Variants in SEMA5A observed in about 807,000 individuals in gnomAD.
SEMA5A encodes the protein semaphorin-5A.
Under a neutral mutation model 135.5 loss-of-function variants are expected in SEMA5A, and 55 were observed. That is an observed-to-expected ratio of 0.41 (90% CI 0.33 to 0.51). SEMA5A has a LOEUF of 0.51. SEMA5A is among the 20% of genes least tolerant of loss of function. The probability of loss-of-function intolerance (pLI) is 0.37; values close to 1 mark genes in which losing one functional copy is unlikely to be tolerated. For synonymous variants in SEMA5A, 580 were observed against 546.5 expected (o/e 1.06, Z -0.85); for missense variants, 1,290 against 1,419.9 (o/e 0.91, Z 1.47).
At chr5:9,425,922 C>T (rs1361113095) in intron 2 of SEMA5A, among the ~76,000 whole-genome samples, 1 of 152,138 alleles carries the variant, frequency 6.6e-6, no homozygotes, top group African/African-American at 2.4e-5. Context: ...TCAGCATGAC[C>T]TTGGCAAGTT....
At chr5:9,416,888 T>C (rs1757301492) in intron 2 of SEMA5A, among the ~76,000 whole-genome samples, 1 of 152,164 alleles carries the variant, frequency 6.6e-6, no homozygotes, top group South Asian at 2.1e-4. Context: ...CCGGTGCAAA[T>C]TGTCAATAGT....
intron 2 of SEMA5A, among the ~76,000 whole-genome samples, chr5:9,400,234 G>A (rs1756591955): frequency 6.6e-6 from 1 of 152,102 alleles, no homozygotes; most frequent in Non-Finnish European, 1.5e-5. Flanking sequence ...TAGATGATGG[G>A]TTGATAGGTG....
intron 13 of SEMA5A, 73 bp from the exon 14 acceptor site, chr5:9,122,910 T>A (rs549568703): frequency 3.8e-5 from 51 of 1,331,340 alleles, no homozygotes; most frequent in African/African-American, 9.0e-5. Flanking sequence ...AAATTAAAAA[T>A]CCCTCATAAG....
At chr5:9,488,957 G>A (rs116190668) in intron 1 of SEMA5A, among the ~76,000 whole-genome samples, 1 of 152,238 alleles carries the variant, frequency 6.6e-6, no homozygotes, top group Non-Finnish European at 1.5e-5. Context: ...TTCAATGGTT[G>A]GTTGGTTTGA....
chr5:9,449,723 G>A (rs549822470), intron 1 of SEMA5A, among the ~76,000 whole-genome samples: 6 of 152,192 alleles, frequency 3.9e-5, no homozygotes, highest in South Asian at 2.1e-4. Context: ...AAATTAACCC[G>A]GGTGGTACCT....
At chr5:9,499,420 G>T (rs1305803910) in intron 1 of SEMA5A, among the ~76,000 whole-genome samples, 2 of 152,134 alleles carry the variant, frequency 1.3e-5, no homozygotes, top group Admixed American at 6.5e-5. Flanking sequence ...CAAAACCACA[G>T]AAATTAACAA....
intron 2 of SEMA5A, among the ~76,000 whole-genome samples, chr5:9,401,774 G>GTT (rs1756670110): frequency 6.6e-6 from 1 of 152,132 alleles, no homozygotes. Flanking sequence ...TTAAAGATGA[G>GTT]AATCAGCCTG....
intron 2 of SEMA5A, among the ~76,000 whole-genome samples, chr5:9,422,045 G>C (rs1365059977): frequency 2.0e-5 from 3 of 152,116 alleles, no homozygotes; most frequent in Non-Finnish European, 4.4e-5. Flanking sequence ...CAAAAAGAAG[G>C]AATCAGCAGA....
intron 11 of SEMA5A, among the ~76,000 whole-genome samples, chr5:9,162,874 G>C (rs1354304132): frequency 2.0e-5 from 3 of 152,060 alleles, no homozygotes; most frequent in Admixed American, 2.0e-4. Flanking sequence ...CAGACTACTG[G>C]GCCAGAGTTT....
chr5:9,223,472 G>A (rs538656852), intron 8 of SEMA5A, among the ~76,000 whole-genome samples: 1 of 152,136 alleles, frequency 6.6e-6, no homozygotes, highest in East Asian at 1.9e-4. Context: ...GTTACAACTG[G>A]GCAGAGGAGG....
At chr5:9,455,723 C>G (rs1758809116) in intron 1 of SEMA5A, among the ~76,000 whole-genome samples, 1 of 152,118 alleles carries the variant, frequency 6.6e-6, no homozygotes, top group Non-Finnish European at 1.5e-5. Context: ...TCAGCCAAAC[C>G]AGGCTCTAAA....
chr5:9,147,886 T>C (rs553687789), intron 12 of SEMA5A, among the ~76,000 whole-genome samples: 66 of 152,334 alleles, frequency 4.3e-4, no homozygotes, highest in African/African-American at 1.4e-3. Context: ...AGAGGCAGAA[T>C]GTCCATTTGC....
intron 5 of SEMA5A, among the ~76,000 whole-genome samples, chr5:9,287,573 T>A (rs1296254678): frequency 1.3e-5 from 2 of 152,188 alleles, no homozygotes; most frequent in African/African-American, 4.8e-5. Context: ...TGAAATAAAT[T>A]ATATCAATTT....
intron 11 of SEMA5A, among the ~76,000 whole-genome samples, chr5:9,176,446 C>T (rs954767573): frequency 6.6e-6 from 1 of 152,206 alleles, no homozygotes; most frequent in Admixed American, 6.5e-5. Flanking sequence ...CTGATTGCAG[C>T]CTAGTGAAAC....
chr5:9,337,173 G>A (rs981749702), intron 4 of SEMA5A, among the ~76,000 whole-genome samples: 2 of 152,110 alleles, frequency 1.3e-5, no homozygotes, highest in African/African-American at 2.4e-5. Flanking sequence ...AAATAACTTC[G>A]TTGAATCTCA....
rs547857526 is a variant in SEMA5A, at chr5:9,052,055, G to A, written c.2690-27C>T. ...TGCAGAGACCAGAAAAGGGGAGATG[G>A]GGCGGAATGGCCAGTAAGCTCAATC... On this transcript the variant is annotated intron_variant, in intron 19 of 22. Transcript: ENST00000382496. 4.0e-5 allele frequency: 62 copies of A among 1,542,144 alleles called. 1 individual carries two copies. In the South Asian group the frequency reaches 5.3e-4, roughly 13 times the overall value.
intron 1 of SEMA5A, among the ~76,000 whole-genome samples, chr5:9,469,338 T>A (rs17259832): frequency 6.6e-6 from 1 of 152,012 alleles, no homozygotes; most frequent in Non-Finnish European, 1.5e-5. Flanking sequence ...GCTAGTGAAT[T>A]TAGCATAAGG....
At chr5:9,230,077 T>C (rs951502064) in intron 6 of SEMA5A, among the ~76,000 whole-genome samples, 1 of 151,784 alleles carries the variant, frequency 6.6e-6, no homozygotes, top group Non-Finnish European at 1.5e-5. Context: ...CTCGACCACT[T>C]GGGCTCAAGT....
chr5:9,399,323 T>C (rs1286906840), intron 2 of SEMA5A, among the ~76,000 whole-genome samples: 1 of 152,224 alleles, frequency 6.6e-6, no homozygotes, highest in Non-Finnish European at 1.5e-5. Context: ...TATAACATGC[T>C]ATAAGCCTTG....
Sources: allele counts gnomAD v4.1 joint callset (sites outside exome capture counted in the v4.1 genomes callset), GRCh38; gene constraint gnomAD v4.1.1; transcripts MANE v1.5; gene names NCBI Gene and HGNC (gene_info 2026-07-23, HGNC 2026-07-21).